Variants in ADAMTSL1 observed in about 807,000 individuals in gnomAD.
ADAMTSL1 encodes ADAMTS like 1, also known as ADAMTS-like protein 1.
ADAMTSL1 carries 126 observed loss-of-function variants against 201.8 expected under a neutral mutation model. That is an observed-to-expected ratio of 0.62 (90% CI 0.54 to 0.72). The LOEUF is 0.72. Ranked by LOEUF, ADAMTSL1 falls within the 30% of genes least tolerant of loss-of-function variation. The pLI, the probability that ADAMTSL1 is intolerant of heterozygous loss-of-function variation, is 0.00. For missense variants in ADAMTSL1, 2,679 were observed against 2,277.8 expected (o/e 1.18, Z -3.59); for synonymous variants, 1,121 against 903.4 (o/e 1.24, Z -4.32).
At chr9:18,643,991 T>G (rs951680334) in intron 7 of ADAMTSL1, among the ~76,000 whole-genome samples, 3 of 152,016 alleles carry the variant, frequency 2.0e-5, no homozygotes, top group African/African-American at 7.2e-5. Flanking sequence ...TTTAACAATA[T>G]AAATTCTTCC....
chr9:18,753,915 A>AT (rs994675720), intron 16 of ADAMTSL1, among the ~76,000 whole-genome samples: 10 of 152,018 alleles, frequency 6.6e-5, no homozygotes, highest in East Asian at 3.9e-4. Context: ...GTAGGCAATG[A>AT]TTTTTTTTAA....
intron 1 of ADAMTSL1, among the ~76,000 whole-genome samples, chr9:18,032,117 G>A (rs1237642706): frequency 1.3e-5 from 2 of 152,158 alleles, no homozygotes; most frequent in Non-Finnish European, 2.9e-5. Context: ...CGTGTTCAGG[G>A]CTGTATGGTT....
At chr9:18,645,301 T>G (rs1264090005) in intron 7 of ADAMTSL1, among the ~76,000 whole-genome samples, 2 of 152,258 alleles carry the variant, frequency 1.3e-5, no homozygotes, top group Non-Finnish European at 2.9e-5. Context: ...CTTTGTCAGA[T>G]GAGTAGATTG....
At chr9:18,229,797 G>A (rs1039392575) in intron 2 of ADAMTSL1, among the ~76,000 whole-genome samples, 8 of 151,792 alleles carry the variant, frequency 5.3e-5, no homozygotes, top group African/African-American at 1.9e-4. Flanking sequence ...CCGGGTTCAA[G>A]CAATTCTCCT....
chr9:18,220,152 C>T (rs1022320611), intron 2 of ADAMTSL1, among the ~76,000 whole-genome samples: 3 of 152,052 alleles, frequency 2.0e-5, no homozygotes, highest in East Asian at 1.9e-4. Context: ...AGATCAAATT[C>T]GTATCTTTAC....
intron 9 of ADAMTSL1, among the ~76,000 whole-genome samples, chr9:18,674,223 A>C (rs776765): frequency 0.22 from 28,220 of 130,472 alleles, 2,858 homozygotes; most frequent in African/African-American, 0.32. Flanking sequence ...CACACACACA[A>C]ACACACACAT....
At chr9:18,859,253 G>A (rs573604084) in intron 23 of ADAMTSL1, among the ~76,000 whole-genome samples, 12 of 152,144 alleles carry the variant, frequency 7.9e-5, no homozygotes, top group Non-Finnish European at 1.3e-4. Context: ...AAATATATTC[G>A]TCTTTTCCAG....
At chr9:18,633,918 T>C (rs1171776506) in intron 5 of ADAMTSL1, among the ~76,000 whole-genome samples, 1 of 151,574 alleles carries the variant, frequency 6.6e-6, no homozygotes. Flanking sequence ...AAAAAAAAAA[T>C]AGTTTTTCAA....
At chr9:18,804,592 G>A (rs1315108763) in intron 20 of ADAMTSL1, among the ~76,000 whole-genome samples, 1 of 152,206 alleles carries the variant, frequency 6.6e-6, no homozygotes, top group African/African-American at 2.4e-5. Flanking sequence ...GCAAGGAATA[G>A]TAATGGAACA....
chr9:18,577,395 A>G (rs1329200855), intron 4 of ADAMTSL1, among the ~76,000 whole-genome samples: 6 of 152,176 alleles, frequency 3.9e-5, no homozygotes, highest in Admixed American at 3.9e-4. Flanking sequence ...CTGAGGCAGG[A>G]CAATGGCTTA....
chr9:18,613,406 T>C lies in ADAMTSL1; in HGVS notation c.475-8837T>C, dbSNP rs945957253. 3.9e-5 allele frequency among the ~76,000 whole-genome samples: 6 copies of C among 152,272 alleles called. No individual in the cohort carries two copies. The East Asian group carries it at 1.2e-3, about 29-fold the overall frequency. ...GAAATTGTTCTGTTATAAAGGCACA[T>C]GCACATGTATGTTCATTGCAGCACT... On this transcript the variant is annotated intron_variant, in intron 4 of 28. Transcript: ENST00000380548.
chr9:18,762,945 A>AAT (rs1419059168), intron 16 of ADAMTSL1, among the ~76,000 whole-genome samples: 1 of 152,210 alleles, frequency 6.6e-6, no homozygotes, highest in Non-Finnish European at 1.5e-5. Flanking sequence ...TATTGTAAAG[A>AAT]ATATATACAC....
intron 2 of ADAMTSL1, among the ~76,000 whole-genome samples, chr9:18,394,730 G>A (rs996844625): frequency 2.0e-5 from 3 of 152,242 alleles, no homozygotes; most frequent in Non-Finnish European, 4.4e-5. Flanking sequence ...CACCAACCCC[G>A]AAAATAGTTA....
At position 18,358,317 on chromosome 9, in the gene ADAMTSL1, T is replaced by G. The variant is rs180870748; in HGVS notation, c.208-146512T>G. Among the ~76,000 whole-genome samples, 137 of 152,326 alleles carry G rather than the reference T, an allele frequency of 9.0e-4. 1 individual carries two copies. Among genetic ancestry groups the G allele is most frequent in the African/African-American group, 2.7e-3 (113 of 41,576 alleles). ...CAATTATTTTTCTGTTCTTTGCTCCTTCCTTTTGTGGGAAAAGTAAGACCA... is the reference window on the plus strand; with the variant it reads ...CAATTATTTTTCTGTTCTTTGCTCCGTCCTTTTGTGGGAAAAGTAAGACCA... On this transcript the variant is annotated intron_variant, in intron 2 of 29. Transcript: ENST00000680146.
At chr9:18,727,802 G>A (rs767220850) in intron 15 of ADAMTSL1, among the ~76,000 whole-genome samples, 10 of 152,174 alleles carry the variant, frequency 6.6e-5, no homozygotes, top group Non-Finnish European at 1.3e-4. Flanking sequence ...CTTTGCGGCT[G>A]GGCACAGTGG....
At position 18,711,050 on chromosome 9, in the gene ADAMTSL1, A is replaced by ATTTCATGCT. The variant is rs1488535774; in HGVS notation, c.1876+4002_1876+4003insTTTCATGCT. On this transcript the variant is annotated intron_variant, in intron 14 of 28. Transcript: ENST00000380548. ...ATTGCAGATACACTTATGCATGAGC[A>ATTTCATGCT]AGGAAGCAATTCACAGTGATGATCT... Among the ~76,000 whole-genome samples, 274 of 152,346 alleles carry ATTTCATGCT rather than the reference A, an allele frequency of 1.8e-3. 2 individuals are homozygous for ATTTCATGCT. Among genetic ancestry groups the ATTTCATGCT allele is most frequent in the African/African-American group, 6.2e-3 (259 of 41,582 alleles).
intron 1 of ADAMTSL1, among the ~76,000 whole-genome samples, chr9:18,095,378 A>G (rs977818860): frequency 6.7e-6 from 1 of 148,644 alleles, no homozygotes; most frequent in Admixed American, 6.7e-5. Flanking sequence ...TCAATTTGAC[A>G]CGTTTTTAGT....
Position 18,574,266 on chromosome 9 carries a change from A to G in ADAMTSL1, c.474A>G (p.Gln158=). ...SLDMCISGLC[Q]IVGCDHQLGS... is the part of the protein sequence containing the mutation. ...ATATGTGCATCAGTGGTTTATGCCA[A>G]GTAAGTGCTGATTTGTTCTCATTCA... The change falls in exon 4 of 29, where the codon CAA becomes CAG. Residue 158 remains glutamine, a splice_region_variant and synonymous_variant. Transcript: ENST00000380548. 1.9e-6 allele frequency: 3 copies of G among 1,612,604 alleles called. No homozygotes were observed. Among genetic ancestry groups the G allele is most frequent in the Non-Finnish European group, 2.5e-6 (3 of 1,178,576 alleles).
chr9:18,800,767 C>T (rs1166886675), intron 20 of ADAMTSL1, among the ~76,000 whole-genome samples: 1 of 152,078 alleles, frequency 6.6e-6, no homozygotes, highest in African/African-American at 2.4e-5. Context: ...TGGGATATAC[C>T]ACATCCTTGG....
Sources: gnomAD v4.1 joint callset for allele counts (sites outside exome capture counted in the v4.1 genomes callset) on GRCh38, gnomAD v4.1.1 for gene constraint, MANE v1.5 for transcripts, NCBI Gene and HGNC (gene_info 2026-07-23, HGNC 2026-07-21) for gene names.